The following CBL variants were observed in gnomAD, a reference collection of about 807,000 sequenced individuals.
The protein encoded by CBL is E3 ubiquitin-protein ligase CBL.
A neutral mutation model predicts 96.9 loss-of-function variants in CBL; 45 were observed. The ratio of observed to expected loss-of-function variants is 0.46; its 90% CI spans 0.37 to 0.60. The LOEUF is 0.60. CBL is among the 20% of genes least tolerant of loss of function. The probability of loss-of-function intolerance (pLI) is 0.00; values close to 1 mark genes in which losing one functional copy is unlikely to be tolerated. For missense variants in CBL, 1,024 were observed against 1,143.5 expected (o/e 0.90, Z 1.51); for synonymous variants, 420 against 426.8 (o/e 0.98, Z 0.20).
chr11:119,271,926 T>C (rs766917444), intron 3 of CBL, 45 bp downstream of exon 3: 1 of 1,586,820 alleles, frequency 6.3e-7, no homozygotes, highest in Non-Finnish European at 8.6e-7. Flanking sequence ...AACTAAAGCT[T>C]ACGAGTTTTT....
rs778562658 is a variant in CBL at position 119,278,195 on chromosome 11, C to G, written c.1125C>G (p.Gly375=). The G allele has an allele frequency of 1.2e-6, 2 of 1,608,208 alleles. No individual in the cohort carries two copies. The highest frequency in any genetic ancestry group is 1.7e-6 in the Non-Finnish European group (2 of 1,174,806). Reference sequence around the variant, plus strand: ...AATATGAATTATACTGTGAGATGGGCTCCACATTCCAACTATGTAAAATAT... The same window carrying G: ...AATATGAATTATACTGTGAGATGGGGTCCACATTCCAACTATGTAAAATAT... ...QEQYELYCEM[G]STFQLCKICA... is the part of the protein sequence containing the mutation. Residue 375 remains glycine (G), a synonymous_variant, in exon 8 of 16, where the codon GGC becomes GGG. Coordinates refer to ENST00000264033, the MANE Select transcript of CBL (RefSeq NM_005188.4).
chr11:119,246,511 G>A (rs550787949), intron 2 of CBL, among the ~76,000 whole-genome samples: 1 of 152,152 alleles, frequency 6.6e-6, no homozygotes, highest in East Asian at 1.9e-4. Context: ...GAGTGCAATG[G>A]CACAATCTCA....
chr11:119,217,096 A>G (rs577058686), intron 1 of CBL, among the ~76,000 whole-genome samples: 2 of 152,210 alleles, frequency 1.3e-5, no homozygotes, highest in Non-Finnish European at 2.9e-5. Flanking sequence ...GATAGATTAA[A>G]CAAGCTACTT....
chr11:119,278,843 T>C (rs1044041906), intron 9 of CBL, 130 bp downstream of exon 9: 8 of 761,680 alleles, frequency 1.1e-5, no homozygotes, highest in Non-Finnish European at 4.6e-6. Flanking sequence ...GCATTTACTA[T>C]ATGACAGATA....
intron 2 of CBL, among the ~76,000 whole-genome samples, chr11:119,240,787 A>G (rs1358719450): frequency 6.6e-6 from 1 of 151,990 alleles, no homozygotes; most frequent in Non-Finnish European, 1.5e-5. Context: ...GAGTGTACAT[A>G]ATTGGCTGGG....
intron 2 of CBL, among the ~76,000 whole-genome samples, chr11:119,251,123 G>C (rs1251489369): frequency 6.6e-6 from 1 of 152,086 alleles, no homozygotes; most frequent in African/African-American, 2.4e-5. Context: ...TGTGCTTGCT[G>C]TGTGCCTGAT....
chr11:119,232,706 A>G lies in CBL; in HGVS notation c.443+11A>G. Reference sequence around the variant, plus strand: ...GAATTCTCAGCCTAGGTAATGGAGAAATACTACACAAATAATTATGCAGGT... The same window carrying G: ...GAATTCTCAGCCTAGGTAATGGAGAGATACTACACAAATAATTATGCAGGT... On this transcript the variant is annotated intron_variant, in intron 2 of 15. Transcript: ENST00000264033. The G allele has an allele frequency of 1.2e-6, 2 of 1,611,656 alleles. No individual in the cohort carries two copies. The highest frequency in any genetic ancestry group is 1.7e-6 in the Non-Finnish European group (2 of 1,179,338).
At chr11:119,212,526 T>G (rs565364901) in intron 1 of CBL, among the ~76,000 whole-genome samples, 78 of 151,872 alleles carry the variant, frequency 5.1e-4, no homozygotes, top group African/African-American at 1.8e-3. Flanking sequence ...CTCGGGAGGC[T>G]GAGGCAGGAG....
At chr11:119,225,087 T>C (rs34092660) in intron 1 of CBL, among the ~76,000 whole-genome samples, 41,779 of 151,138 alleles carry the variant, frequency 0.28, 6,240 homozygotes, top group South Asian at 0.59. Flanking sequence ...CGCGCTTGTA[T>C]GTATGCATGT....
intron 2 of CBL, among the ~76,000 whole-genome samples, chr11:119,257,921 G>T (rs1029138959): frequency 6.6e-6 from 1 of 151,942 alleles, no homozygotes; most frequent in African/African-American, 2.4e-5. Context: ...GTCCATTCTT[G>T]TACTGCCATA....
intron 6 of CBL, among the ~76,000 whole-genome samples, chr11:119,276,458 A>G (rs1007873013): frequency 6.6e-6 from 1 of 152,226 alleles, no homozygotes; most frequent in African/African-American, 2.4e-5. Flanking sequence ...CAGTTATTTA[A>G]CTAGTCGGCA....
chr11:119,298,232 ACAAT>A (rs1950076772), intron 14 of CBL, 122 bp from the exon 15 acceptor site: 1 of 853,514 alleles, frequency 1.2e-6, no homozygotes, highest in Non-Finnish European at 2.0e-6. Flanking sequence ...CCCACAGTAG[ACAAT>A]CAGTAACTGT....
intron 2 of CBL, among the ~76,000 whole-genome samples, chr11:119,243,326 ATATT>A (rs1281781321): frequency 6.6e-6 from 1 of 151,804 alleles, no homozygotes; most frequent in African/African-American, 2.4e-5. Flanking sequence ...CACTGGTAGG[ATATT>A]TATTTATTTA....
At chr11:119,253,230 GAA>G (rs34569041) in intron 2 of CBL, among the ~76,000 whole-genome samples, 1 of 151,768 alleles carries the variant, frequency 6.6e-6, no homozygotes, top group Non-Finnish European at 1.5e-5. Flanking sequence ...TTTGTCATTT[GAA>G]AAAAAAATTT....
At chr11:119,225,724 C>CTTTTTTTTT (rs57084908) in intron 1 of CBL, among the ~76,000 whole-genome samples, 2 of 102,452 alleles carry the variant, frequency 2.0e-5, no homozygotes, top group Admixed American at 1.3e-4. Flanking sequence ...TAAATATTTT[C>CTTTTTTTTT]TTTTTTTTTT....
At chr11:119,284,225 T>C (rs1949962990) in intron 9 of CBL, among the ~76,000 whole-genome samples, 2 of 152,156 alleles carry the variant, frequency 1.3e-5, no homozygotes, top group Admixed American at 1.3e-4. Context: ...CTTTCTTTAT[T>C]ATGTCCCTTA....
At chr11:119,276,489 TA>T (rs1326512916) in intron 6 of CBL, among the ~76,000 whole-genome samples, 2 of 152,232 alleles carry the variant, frequency 1.3e-5, no homozygotes, top group Non-Finnish European at 2.9e-5. Context: ...TCAATGTTCC[TA>T]ATAGCCATAG....
chr11:119,236,116 G>A (rs951144861), intron 2 of CBL, among the ~76,000 whole-genome samples: 1 of 152,008 alleles, frequency 6.6e-6, no homozygotes, highest in African/African-American at 2.4e-5. Context: ...CAATTTAGTG[G>A]TTTTTAGTGT....
chr11:119,251,061 C>A (rs1266419785), intron 2 of CBL, among the ~76,000 whole-genome samples: 1 of 152,120 alleles, frequency 6.6e-6, no homozygotes, highest in Non-Finnish European at 1.5e-5. Flanking sequence ...TTGTCCCAGT[C>A]TAAAATTTAA....
Sources: allele counts gnomAD v4.1 joint callset (sites outside exome capture counted in the v4.1 genomes callset), GRCh38; gene constraint gnomAD v4.1.1; transcripts MANE v1.5; gene names NCBI Gene and HGNC (gene_info 2026-07-23, HGNC 2026-07-21).